Variants in TMEM17 observed in about 807,000 individuals in gnomAD.
TMEM17 encodes transmembrane protein 17.
A neutral mutation model predicts 19.1 loss-of-function variants in TMEM17; 15 were observed. The ratio of observed to expected loss-of-function variants is 0.78; its 90% CI spans 0.52 to 1.21. The LOEUF (loss-of-function observed/expected upper bound fraction) is 1.21, where lower values mean the gene tolerates loss of function less well. Ranked by LOEUF, TMEM17 falls within the 50% of genes most tolerant of loss-of-function variation. The pLI, the probability that TMEM17 is intolerant of heterozygous loss-of-function variation, is 0.00. For synonymous variants in TMEM17, 103 were observed against 86.9 expected (o/e 1.19, Z -1.03); for missense variants, 245 against 242.3 (o/e 1.01, Z -0.07).
chr2:62,467,065 G>A, the TMEM17 span, among the ~76,000 whole-genome samples: 1 of 151,912 alleles, frequency 6.6e-6, no homozygotes, highest in Non-Finnish European at 1.5e-5. Flanking sequence ...TCAGTGGTTT[G>A]GTTTTTCTTT....
chr2:62,453,707 G>T, the TMEM17 span, among the ~76,000 whole-genome samples: 1 of 152,114 alleles, frequency 6.6e-6, no homozygotes, highest in Non-Finnish European at 1.5e-5. Flanking sequence ...CTTAAAAGTG[G>T]GGCTATTCCC....
At chr2:62,458,586 G>A in the TMEM17 span, among the ~76,000 whole-genome samples, 10 of 152,200 alleles carry the variant, frequency 6.6e-5, no homozygotes, top group Admixed American at 3.3e-4. Context: ...TAACGCATGG[G>A]GTGCTGCTGA....
At chr2:62,487,080 A>T in the TMEM17 span, among the ~76,000 whole-genome samples, 1 of 152,316 alleles carries the variant, frequency 6.6e-6, no homozygotes, top group Middle Eastern at 3.4e-3. Flanking sequence ...ACAAATTACC[A>T]CAAACTTAGT....
At chr2:62,467,766 C>A in the TMEM17 span, among the ~76,000 whole-genome samples, 1 of 152,076 alleles carries the variant, frequency 6.6e-6, no homozygotes, top group Non-Finnish European at 1.5e-5. Flanking sequence ...CCTCTAAGCT[C>A]CAGAGACATG....
In TMEM17 at chr2:62,505,902, TC is replaced by T. The variant is rs1426617559; in HGVS notation, c.100+127del. The stretch of plus-strand genomic sequence containing the variant: ...GCCCGGCCCCTCCTCCAAGGCGCTC[TC>T]CCGCACTGCGGAGAACTGGCTGAAG... On this transcript the variant is annotated intron_variant, in intron 1 of 3. Transcript: ENST00000335390. The T allele has an allele frequency of 1.1e-5, 10 of 951,478 alleles. No individual in the cohort carries two copies. The East Asian group carries it at 2.7e-4, about 26-fold the overall frequency. The allele number at this position is 951,478 out of a possible 1,614,324, so 58.9% of individuals were successfully genotyped here.
the TMEM17 span, among the ~76,000 whole-genome samples, chr2:62,493,937 C>A: frequency 6.6e-6 from 1 of 152,144 alleles, no homozygotes; most frequent in Non-Finnish European, 1.5e-5. Context: ...TCTGTTCAGG[C>A]CTTATATTTT....
chr2:62,473,706 C>T, the TMEM17 span, among the ~76,000 whole-genome samples: 1 of 152,298 alleles, frequency 6.6e-6, no homozygotes, highest in South Asian at 2.1e-4. Flanking sequence ...TTTCAGACAG[C>T]CTCAGGAATA....
At chr2:62,465,248 T>G in the TMEM17 span, among the ~76,000 whole-genome samples, 2 of 152,192 alleles carry the variant, frequency 1.3e-5, no homozygotes, top group Non-Finnish European at 2.9e-5. Context: ...TCAGATCTCT[T>G]TCACCGCCTC....
the TMEM17 span, chr2:62,463,822 G>A: frequency 6.6e-6 from 1 of 152,164 alleles, no homozygotes; most frequent in African/African-American, 2.4e-5. Flanking sequence ...CCCATCCTGT[G>A]CCTATAAAAA....
the TMEM17 span, among the ~76,000 whole-genome samples, chr2:62,474,970 G>A: frequency 2.6e-5 from 4 of 152,180 alleles, no homozygotes; most frequent in East Asian, 1.9e-4. Context: ...TCACCACCCC[G>A]GCTGCCTATT....
chr2:62,456,761 G>A, the TMEM17 span, among the ~76,000 whole-genome samples: 2 of 152,244 alleles, frequency 1.3e-5, no homozygotes, highest in Non-Finnish European at 2.9e-5. Context: ...CCTGGAGGGA[G>A]ACCAGAGCCA....
the TMEM17 span, among the ~76,000 whole-genome samples, chr2:62,487,726 G>A: frequency 2.0e-5 from 3 of 152,308 alleles, no homozygotes; most frequent in African/African-American, 7.2e-5. Context: ...ACGAAGTCTC[G>A]CTCTGTCGCC....
downstream of TMEM17, among the ~76,000 whole-genome samples, chr2:62,498,573 G>A (rs1184865871): frequency 1.0e-4 from 15 of 147,466 alleles, no homozygotes; most frequent in East Asian, 1.4e-3. Context: ...AAAATTAGCC[G>A]GGCGTGGTGG....
chr2:62,488,687 AAT>A, the TMEM17 span, among the ~76,000 whole-genome samples: 2 of 152,130 alleles, frequency 1.3e-5, no homozygotes, highest in Non-Finnish European at 2.9e-5. Context: ...AATCTACGGA[AAT>A]AAAGGAATAA....
the TMEM17 span, chr2:62,463,249 A>G: frequency 2.0e-5 from 3 of 152,220 alleles, no homozygotes; most frequent in Non-Finnish European, 4.4e-5. Context: ...CCGCAAGAGT[A>G]AAGGGCTTAG....
At chr2:62,491,036 G>C in the TMEM17 span, 1 of 117,392 alleles carries the variant, frequency 8.5e-6, no homozygotes. Flanking sequence ...CTGAGATGGC[G>C]CCACTGCACT....
chr2:62,497,376 G>A (rs559196987), downstream of TMEM17, among the ~76,000 whole-genome samples: 14 of 152,200 alleles, frequency 9.2e-5, no homozygotes, highest in Non-Finnish European at 2.1e-4. Flanking sequence ...CAAAGCTTTA[G>A]CCAGGCTTGC....
the TMEM17 span, among the ~76,000 whole-genome samples, chr2:62,473,393 TAGAG>T: frequency 6.6e-6 from 1 of 152,124 alleles, no homozygotes; most frequent in Admixed American, 6.5e-5. Flanking sequence ...GAGAACATAG[TAGAG>T]ACTGCAGCAG....
chr2:62,461,485 C>T, the TMEM17 span, among the ~76,000 whole-genome samples: 1 of 152,316 alleles, frequency 6.6e-6, no homozygotes, highest in South Asian at 2.1e-4. Context: ...CCCACTGGCC[C>T]ATCCCACACT....
Sources: gnomAD v4.1 joint callset for allele counts (sites outside exome capture counted in the v4.1 genomes callset) on GRCh38, gnomAD v4.1.1 for gene constraint, MANE v1.5 for transcripts, NCBI Gene and HGNC (gene_info 2026-07-23, HGNC 2026-07-21) for gene names.